The following NAV3 variants were observed in gnomAD, a reference collection of about 807,000 sequenced individuals.
NAV3 encodes the protein neuron navigator 3.
Under a neutral mutation model 244.7 loss-of-function variants are expected in NAV3, and 87 were observed. The ratio of observed to expected loss-of-function variants is 0.36; its 90% CI spans 0.30 to 0.42. NAV3 has a LOEUF of 0.42. NAV3 is among the 20% of genes least tolerant of loss of function. NAV3 has a pLI of 1.00. For missense variants in NAV3, 2,663 were observed against 2,893.3 expected (o/e 0.92, Z 1.83); for synonymous variants, 1,126 against 1,042.2 (o/e 1.08, Z -1.55).
chr12:77,906,342 T>C (rs1398802794), intron 1 of NAV3, among the ~76,000 whole-genome samples: 12 of 152,124 alleles, frequency 7.9e-5, no homozygotes, highest in Admixed American at 7.9e-4. Context: ...AATTAACAGC[T>C]TATTGGAAAG....
At chr12:77,883,664 G>T in intron 1 of NAV3, among the ~76,000 whole-genome samples, 1 of 152,210 alleles carries the variant, frequency 6.6e-6, no homozygotes, top group South Asian at 2.1e-4. Context: ...AAAGAGTATG[G>T]GAGTGAGAGA....
chr12:77,966,418 G>A (rs1156424683), intron 4 of NAV3, 117 bp downstream of exon 4: 12 of 810,172 alleles, frequency 1.5e-5, no homozygotes, highest in South Asian at 1.8e-5. Flanking sequence ...AAAGGAAATT[G>A]GTGAAGTCTT....
At chr12:78,051,208 A>C (rs1453081096) in intron 11 of NAV3, 61 bp downstream of exon 11, 10 of 1,522,482 alleles carry the variant, frequency 6.6e-6, no homozygotes, top group Non-Finnish European at 8.9e-6. Context: ...ACTATAATGC[A>C]TTCACTATAA....
chr12:77,889,448 GT>G (rs1472461812), intron 1 of NAV3, among the ~76,000 whole-genome samples: 2 of 152,038 alleles, frequency 1.3e-5, no homozygotes, highest in Non-Finnish European at 2.9e-5. Flanking sequence ...AATTAGTTCT[GT>G]TTCTCTCGCA....
chr12:78,177,115 A>T lies in NAV3; in HGVS notation c.5125-26A>T, dbSNP rs754037832. ...AGCTCTCCAAGTGCAAATAGACAAG[A>T]AGGGTAATTTCTGTCCTTGTTTCAG... On this transcript the variant is annotated intron_variant, in intron 26 of 39. Coordinates refer to ENST00000397909, the MANE Select transcript of NAV3 (RefSeq NM_001024383.2). 71 of 1,612,224 alleles carry T rather than the reference A, an allele frequency of 4.4e-5. No homozygotes were observed. In the East Asian group the frequency reaches 1.5e-3, roughly 35 times the overall value.
chr12:77,959,205 T>C (rs939629643), intron 3 of NAV3, among the ~76,000 whole-genome samples: 2 of 152,180 alleles, frequency 1.3e-5, no homozygotes, highest in Non-Finnish European at 2.9e-5. Flanking sequence ...TTGTAATGTA[T>C]AATGAAACTG....
chr12:78,010,830 C>T (rs1010611040), intron 8 of NAV3: 5 of 151,790 alleles, frequency 3.3e-5, no homozygotes, highest in African/African-American at 7.2e-5. Context: ...GACTTTTTTT[C>T]TCAATTCTAG....
chr12:78,022,179 A>G (rs1430494672), intron 9 of NAV3, among the ~76,000 whole-genome samples: 1 of 152,186 alleles, frequency 6.6e-6, no homozygotes, highest in Non-Finnish European at 1.5e-5. Flanking sequence ...GGCCATGTAT[A>G]TTCTCCATGG....
At chr12:78,169,884 A>G (rs113472748) in intron 24 of NAV3, among the ~76,000 whole-genome samples, 8 of 151,810 alleles carry the variant, frequency 5.3e-5, no homozygotes, top group African/African-American at 1.9e-4. Flanking sequence ...AATGTTCGTG[A>G]CATCATACAT....
At chr12:77,761,580 G>GA (rs1423053061) in intron 2 of NAV3, among the ~76,000 whole-genome samples, 1 of 151,730 alleles carries the variant, frequency 6.6e-6, no homozygotes, top group East Asian at 1.9e-4. Context: ...AAATTTACAA[G>GA]AAAAAAACAA....
At chr12:77,942,825 C>T (rs879431862) in intron 3 of NAV3, among the ~76,000 whole-genome samples, 2 of 152,132 alleles carry the variant, frequency 1.3e-5, no homozygotes, top group South Asian at 4.2e-4. Flanking sequence ...AGGACACATG[C>T]GTGGATTAAC....
intron 1 of NAV3, among the ~76,000 whole-genome samples, chr12:77,844,081 G>A (rs1011997336): frequency 6.6e-6 from 1 of 152,130 alleles, no homozygotes; most frequent in African/African-American, 2.4e-5. Context: ...GTGCATTTGT[G>A]CTGCTATGAC....
chr12:78,004,282 T>A (rs568826020), intron 7 of NAV3, among the ~76,000 whole-genome samples: 1 of 152,234 alleles, frequency 6.6e-6, no homozygotes, highest in South Asian at 2.1e-4. Context: ...AAGTAAGCAG[T>A]AGATGAATAA....
At chr12:77,645,356 T>A (rs937178117) in intron 2 of NAV3, among the ~76,000 whole-genome samples, 1 of 151,902 alleles carries the variant, frequency 6.6e-6, no homozygotes, top group African/African-American at 2.4e-5. Flanking sequence ...TTTCAAATTA[T>A]ACCTCAGCTG....
chr12:77,643,776 A>C (rs918691637), intron 2 of NAV3, among the ~76,000 whole-genome samples: 2 of 152,164 alleles, frequency 1.3e-5, no homozygotes, highest in African/African-American at 4.8e-5. Flanking sequence ...ATTTCCTATT[A>C]ATCATTTTTA....
At chr12:77,752,833 A>G (rs537106190) in intron 2 of NAV3, among the ~76,000 whole-genome samples, 3 of 152,272 alleles carry the variant, frequency 2.0e-5, no homozygotes, top group South Asian at 2.1e-4. Context: ...AAAAAATACA[A>G]CTACGTGACA....
At chr12:78,037,854 G>A (rs1880177903) in intron 9 of NAV3, among the ~76,000 whole-genome samples, 1 of 152,192 alleles carries the variant, frequency 6.6e-6, no homozygotes, top group Admixed American at 6.5e-5. Context: ...TACCTGAATA[G>A]AAGGCTTCTT....
intron 1 of NAV3, among the ~76,000 whole-genome samples, chr12:77,885,253 G>A (rs1176008145): frequency 1.3e-5 from 2 of 152,082 alleles, no homozygotes; most frequent in Middle Eastern, 3.4e-3. Flanking sequence ...TTATGTCACA[G>A]AGTCACAGAG....
chr12:78,146,788 C>T (rs773273121), intron 21 of NAV3, among the ~76,000 whole-genome samples: 1 of 152,102 alleles, frequency 6.6e-6, no homozygotes, highest in Non-Finnish European at 1.5e-5. Flanking sequence ...ACACAGGATA[C>T]TAGCATCTCA....
Sources: gnomAD v4.1 joint callset for allele counts (sites outside exome capture counted in the v4.1 genomes callset) on GRCh38, gnomAD v4.1.1 for gene constraint, MANE v1.5 for transcripts, NCBI Gene and HGNC (gene_info 2026-07-23, HGNC 2026-07-21) for gene names.